CAB39L: variants seen among roughly 807,000 people sequenced by gnomAD.
CAB39L encodes calcium binding protein 39 like.
Under a neutral mutation model 39.1 loss-of-function variants are expected in CAB39L, and 23 were observed. The observed-to-expected ratio is 0.59, with a 90% CI of 0.42 to 0.83. The LOEUF is 0.83. CAB39L is among the 40% of genes least tolerant of loss of function. The probability of loss-of-function intolerance (pLI) is 0.00; values close to 1 mark genes in which losing one functional copy is unlikely to be tolerated. For missense variants in CAB39L, 366 were observed against 391.9 expected (o/e 0.93, Z 0.56); for synonymous variants, 126 against 137.2 (o/e 0.92, Z 0.57).
intron 7 of CAB39L, among the ~76,000 whole-genome samples, chr13:49,346,713 C>T (rs1955188361): frequency 6.6e-6 from 1 of 152,006 alleles, no homozygotes; most frequent in Non-Finnish European, 1.5e-5. Flanking sequence ...TTCTGATCTT[C>T]ACAAGTCCGT....
intron 1 of CAB39L, among the ~76,000 whole-genome samples, chr13:49,437,768 C>A (rs1184984332): frequency 6.6e-6 from 1 of 152,174 alleles, no homozygotes; most frequent in African/African-American, 2.4e-5. Context: ...TCAGCCAACT[C>A]AGTTATCAAA....
At chr13:49,408,404 A>G (rs955282747) in intron 3 of CAB39L, among the ~76,000 whole-genome samples, 1 of 152,228 alleles carries the variant, frequency 6.6e-6, no homozygotes, top group Non-Finnish European at 1.5e-5. Context: ...AGCTGAACAT[A>G]CAGAACTAGA....
intron 3 of CAB39L, among the ~76,000 whole-genome samples, chr13:49,404,279 A>G (rs1321517496): frequency 6.6e-6 from 1 of 152,180 alleles, no homozygotes; most frequent in Non-Finnish European, 1.5e-5. Flanking sequence ...CCACCAAGGC[A>G]GTATCTCCTC....
intron 5 of CAB39L, among the ~76,000 whole-genome samples, chr13:49,367,478 G>A (rs1391036930): frequency 6.6e-6 from 1 of 152,154 alleles, no homozygotes; most frequent in East Asian, 1.9e-4. Flanking sequence ...AGCTAAACAT[G>A]CAGCTAACCA....
At chr13:49,345,238 A>C (rs947718856) in intron 7 of CAB39L, among the ~76,000 whole-genome samples, 1 of 152,238 alleles carries the variant, frequency 6.6e-6, no homozygotes, top group African/African-American at 2.4e-5. Flanking sequence ...ACACAACATA[A>C]CTTCACAAAG....
intron 6 of CAB39L, among the ~76,000 whole-genome samples, chr13:49,357,555 T>C (rs550312113): frequency 4.9e-4 from 74 of 152,366 alleles, no homozygotes; most frequent in African/African-American, 1.7e-3. Flanking sequence ...GATTATGGGA[T>C]GTACTTTCTT....
At position 49,405,524 on chromosome 13, in the gene CAB39L, C is replaced by T. The variant is rs73186902; in HGVS notation, c.-31-22583G>A. ...GCACGGTAGCTCACATCTGTAATCC[C>T]AGCACTTTGGGAGGCTGAGACAGGA... On this transcript the variant is annotated intron_variant, in intron 3 of 10. Transcript: ENST00000409308. Among the ~76,000 whole-genome samples the T allele has an allele frequency of 3.3e-5, 5 of 151,662 alleles. No homozygotes were observed. In the South Asian group the frequency reaches 1.0e-3, roughly 32 times the overall value.
At chr13:49,409,450 TAAAAA>T (rs34396787) in intron 3 of CAB39L, among the ~76,000 whole-genome samples, 5 of 143,526 alleles carry the variant, frequency 3.5e-5, no homozygotes, top group Non-Finnish European at 3.0e-5. Flanking sequence ...TTGTTTGCTT[TAAAAA>T]AAAAAAAAAA....
intron 3 of CAB39L, among the ~76,000 whole-genome samples, chr13:49,410,749 G>A (rs1057482782): frequency 4.6e-5 from 7 of 152,148 alleles, no homozygotes; most frequent in African/African-American, 1.7e-4. Context: ...AGCCATTTAT[G>A]GCAAACAAAC....
chr13:49,346,110 T>TATATATATATGCTAG lies in CAB39L; in HGVS notation c.565-1873_565-1872insCTAGCATATATATAT, dbSNP rs1566079325. Among the ~76,000 whole-genome samples the TATATATATATGCTAG allele has an allele frequency of 1.1e-4, 6 of 53,214 alleles. 1 individual carries two copies. The highest frequency in any genetic ancestry group is 4.1e-4 in the African/African-American group (5 of 12,222). The allele number at this position is 53,214 out of a possible 152,430, so 34.9% of individuals were successfully genotyped here. The stretch of plus-strand genomic sequence containing the variant: ...TATATATATATGCTAGATATATATA[T>TATATATATATGCTAG]ATATATATATATATCATGGATACAG... On this transcript the variant is annotated intron_variant, in intron 7 of 10. Transcript: ENST00000409308.
At chr13:49,388,889 C>T (rs1236783174) in intron 3 of CAB39L, among the ~76,000 whole-genome samples, 3 of 152,150 alleles carry the variant, frequency 2.0e-5, no homozygotes, top group African/African-American at 7.2e-5. Flanking sequence ...CCTCTGGTAG[C>T]TATTTGGTCC....
At chr13:49,384,626 A>G (rs571312873) in intron 3 of CAB39L, among the ~76,000 whole-genome samples, 19 of 152,304 alleles carry the variant, frequency 1.2e-4, no homozygotes, top group African/African-American at 4.1e-4. Flanking sequence ...TTATTAGAAC[A>G]ATATGAACAT....
chr13:49,363,503 C>T (rs537393003), intron 5 of CAB39L, among the ~76,000 whole-genome samples: 3 of 150,438 alleles, frequency 2.0e-5, no homozygotes, highest in African/African-American at 7.3e-5. Flanking sequence ...AATGGATACA[C>T]AAAAAAATAA....
intron 3 of CAB39L, among the ~76,000 whole-genome samples, chr13:49,396,905 T>G (rs1472267620): frequency 2.0e-5 from 3 of 152,150 alleles, no homozygotes; most frequent in Non-Finnish European, 4.4e-5. Context: ...TGAACCATTC[T>G]CCTAAAATGG....
At chr13:49,411,405 C>T (rs1438972176) in intron 3 of CAB39L, among the ~76,000 whole-genome samples, 4 of 139,934 alleles carry the variant, frequency 2.9e-5, no homozygotes, top group African/African-American at 1.0e-4. Context: ...GAGAGACTCT[C>T]CTGAGAAAAA....
At chr13:49,388,797 A>T (rs1180043715) in intron 3 of CAB39L, among the ~76,000 whole-genome samples, 1 of 152,196 alleles carries the variant, frequency 6.6e-6, no homozygotes, top group East Asian at 1.9e-4. Context: ...AACTGCCCCA[A>T]AAATCTCCAA....
At chr13:49,436,218 A>G (rs923328579) in intron 1 of CAB39L, among the ~76,000 whole-genome samples, 7 of 152,184 alleles carry the variant, frequency 4.6e-5, no homozygotes, top group Admixed American at 3.3e-4. Flanking sequence ...TGAAAGTCCA[A>G]CTGTTTTACT....
intron 5 of CAB39L, among the ~76,000 whole-genome samples, chr13:49,375,123 G>A (rs1213699155): frequency 6.6e-6 from 1 of 152,030 alleles, no homozygotes; most frequent in Non-Finnish European, 1.5e-5. Context: ...CTTGACATTT[G>A]TATACAGTTT....
rs1956281622 is a variant in CAB39L, at chr13:49,383,018, G to C, written c.-31-77C>G. ...AAATTTTTATACCAATGTCTTATAA[G>C]TTTTCAATAACATGAATTCAGTAAT... On this transcript the variant is annotated intron_variant, in intron 3 of 10. Coordinates refer to ENST00000409308, the MANE Select transcript of CAB39L (RefSeq NM_001079670.3). 4 of 580,730 alleles carry C rather than the reference G, an allele frequency of 6.9e-6. No individual in the cohort carries two copies. In the Admixed American group the frequency reaches 1.1e-4, roughly 16 times the overall value. The allele number at this position is 580,730 out of a possible 1,614,324, so 36.0% of individuals were successfully genotyped here.
Sources: gnomAD v4.1 joint callset for allele counts (sites outside exome capture counted in the v4.1 genomes callset) on GRCh38, gnomAD v4.1.1 for gene constraint, MANE v1.5 for transcripts, NCBI Gene and HGNC (gene_info 2026-07-23, HGNC 2026-07-21) for gene names.